The following KMT2C variants were observed in gnomAD, a reference collection of about 807,000 sequenced individuals.
KMT2C encodes the protein lysine methyltransferase 2C, also known as histone-lysine N-methyltransferase 2C.
A neutral mutation model predicts 507.9 loss-of-function variants in KMT2C; 88 were observed. The ratio of observed to expected loss-of-function variants is 0.17; its 90% CI spans 0.15 to 0.21. KMT2C has a LOEUF of 0.21. Ranked by LOEUF, KMT2C falls within the 10% of genes least tolerant of loss-of-function variation. The pLI is 1.00. For missense variants in KMT2C, 4,954 were observed against 5,957.8 expected (o/e 0.83, Z 5.55); for synonymous variants, 2,049 against 2,080.8 (o/e 0.98, Z 0.42).
chr7:152,155,065 C>T (rs941685491), intron 46 of KMT2C: 1 of 152,176 alleles, frequency 6.6e-6, no homozygotes, highest in Non-Finnish European at 1.5e-5. Flanking sequence ...AAGTTTGAGT[C>T]TACCAGGCCA....
intron 1 of KMT2C, among the ~76,000 whole-genome samples, chr7:152,377,596 G>A (rs1383997108): frequency 6.6e-6 from 1 of 152,004 alleles, no homozygotes; most frequent in Non-Finnish European, 1.5e-5. Flanking sequence ...TAAGCCGGGC[G>A]TGGTGGCACA....
Position 152,282,272 on chromosome 7 carries a change from G to T in KMT2C, c.850-8405C>A, listed in dbSNP as rs2096229604. 4.0e-5 allele frequency among the ~76,000 whole-genome samples: 6 copies of T among 151,352 alleles called. No homozygotes were observed. The South Asian group carries it at 1.0e-3, about 26-fold the overall frequency. ...AGATTGCGCCACTGCACTCCAGCCT[G>T]GGTGACAGAGCTGGACCTTGTCTCA... On this transcript the variant is annotated intron_variant, in intron 6 of 58. Coordinates refer to ENST00000262189, the MANE Select transcript of KMT2C (RefSeq NM_170606.3).
rs2091303412 is a variant in KMT2C at position 152,147,948 on chromosome 7, C to T, written c.13894+85G>A. The T allele has an allele frequency of 2.9e-6, 4 of 1,392,890 alleles. No individual in the cohort carries two copies. In the East Asian group the frequency reaches 9.3e-5, roughly 32 times the overall value. 86.3% of individuals were successfully genotyped at this position (1,392,890 alleles called of 1,614,324 possible). A position where few individuals can be genotyped will look rare whatever the true frequency, so the allele number is the denominator to read the frequency against. On this transcript the variant is annotated intron_variant, in intron 52 of 58. Coordinates refer to ENST00000262189, the MANE Select transcript of KMT2C (RefSeq NM_170606.3). Reference sequence around the variant, plus strand: ...TATAAAATATAAAACTAACATGAGACAAACATGGAAAATTGACAAAATACA... The same window carrying T: ...TATAAAATATAAAACTAACATGAGATAAACATGGAAAATTGACAAAATACA...
At chr7:152,260,483 T>C (rs2095750413) in intron 9 of KMT2C, among the ~76,000 whole-genome samples, 1 of 152,048 alleles carries the variant, frequency 6.6e-6, no homozygotes, top group South Asian at 2.1e-4. Context: ...AGTAAATATA[T>C]TTTTTTAAAA....
At position 152,185,685 on chromosome 7, in the gene KMT2C, T is replaced by C. The variant is rs1314355458; in HGVS notation, c.5009-54A>G. On this transcript the variant is annotated intron_variant, in intron 33 of 58. Coordinates refer to ENST00000262189, the MANE Select transcript of KMT2C (RefSeq NM_170606.3). ...TTCTCAGAGCCATGCTAATGATGTG[T>C]TGTAATAAAGAATGTTGATGAACTG... is the stretch of plus-strand genomic sequence containing the variant. The C allele has an allele frequency of 3.8e-6, 5 of 1,326,842 alleles. No homozygotes were observed. The Admixed American group carries it at 5.0e-5, about 13-fold the overall frequency. The allele number at this position is 1,326,842 out of a possible 1,614,324, so 82.2% of individuals were successfully genotyped here.
At chr7:152,359,704 G>T (rs1240654951) in intron 1 of KMT2C, among the ~76,000 whole-genome samples, 1 of 151,508 alleles carries the variant, frequency 6.6e-6, no homozygotes, top group Non-Finnish European at 1.5e-5. Flanking sequence ...GAAATAGAAA[G>T]AAAAAATACA....
At chr7:152,332,568 G>A (rs1375829781) in intron 2 of KMT2C, among the ~76,000 whole-genome samples, 3 of 152,112 alleles carry the variant, frequency 2.0e-5, no homozygotes, top group African/African-American at 7.2e-5. Context: ...ATTCTCAGCT[G>A]GGTATGGTGA....
At chr7:152,327,781 A>AC (rs1207876982) in intron 3 of KMT2C, among the ~76,000 whole-genome samples, 1 of 151,476 alleles carries the variant, frequency 6.6e-6, no homozygotes, top group Non-Finnish European at 1.5e-5. Flanking sequence ...ACACATTGAA[A>AC]CCCCGTCTCT....
chr7:152,421,506 G>A (rs969939695), intron 1 of KMT2C, among the ~76,000 whole-genome samples: 18 of 152,140 alleles, frequency 1.2e-4, no homozygotes, highest in Non-Finnish European at 2.5e-4. Context: ...CCCATCAACA[G>A]CGGACTGGAT....
chr7:152,166,935 T>A (rs1339362905), intron 42 of KMT2C, among the ~76,000 whole-genome samples: 1 of 152,226 alleles, frequency 6.6e-6, no homozygotes, highest in Non-Finnish European at 1.5e-5. Context: ...ATTTAGTATG[T>A]GCTGTGACCG....
Position 152,153,965 on chromosome 7 carries a change from T to C in KMT2C, c.12276+45A>G, listed in dbSNP as rs115718193. 2.4e-3 allele frequency: 3,824 copies of C among 1,593,374 alleles called. 96 individuals carry two copies. In the African/African-American group the frequency reaches 0.045, roughly 19 times the overall value. ...TAGACACCTGACCCATCTTTGAAAA[T>C]TGGGGACATACTGTTTAACATTAAG... is the stretch of plus-strand genomic sequence containing the variant. On this transcript the variant is annotated intron_variant, in intron 48 of 58. Transcript: ENST00000262189.
chr7:152,193,019 C>A (rs1367934499), intron 31 of KMT2C, among the ~76,000 whole-genome samples: 1 of 151,942 alleles, frequency 6.6e-6, no homozygotes, highest in Non-Finnish European at 1.5e-5. Flanking sequence ...TGCAAAAAAT[C>A]AAAAAATTAG....
At chr7:152,434,720 G>A (rs1183145758) in intron 1 of KMT2C, among the ~76,000 whole-genome samples, 1 of 152,164 alleles carries the variant, frequency 6.6e-6, no homozygotes, top group Non-Finnish European at 1.5e-5. Context: ...TAATTTACAA[G>A]CAAAGCCGTC....
intron 9 of KMT2C, among the ~76,000 whole-genome samples, chr7:152,255,109 T>TTTTATATA (rs1491178887): frequency 2.6e-5 from 2 of 78,344 alleles, no homozygotes; most frequent in Non-Finnish European, 5.4e-5. Flanking sequence ...CAACTCTCAC[T>TTTTATATA]TATATATATA....
intron 31 of KMT2C, among the ~76,000 whole-genome samples, chr7:152,193,218 C>T (rs140720806): frequency 1.3e-5 from 2 of 152,232 alleles, no homozygotes; most frequent in Non-Finnish European, 2.9e-5. Flanking sequence ...ATACACGCCA[C>T]CATGCAACTC....
intron 31 of KMT2C, among the ~76,000 whole-genome samples, chr7:152,191,018 GA>G (rs1385030548): frequency 6.6e-6 from 1 of 152,072 alleles, no homozygotes; most frequent in Non-Finnish European, 1.5e-5. Context: ...AGAAAGATAA[GA>G]AACATGTAAT....
At chr7:152,327,625 C>T (rs2096840855) in intron 3 of KMT2C, among the ~76,000 whole-genome samples, 1 of 152,086 alleles carries the variant, frequency 6.6e-6, no homozygotes, top group Non-Finnish European at 1.5e-5. Context: ...TTAAGCAGAA[C>T]TTTAAATGCT....
intron 47 of KMT2C, 33 bp from the exon 48 acceptor site, chr7:152,154,179 G>C: frequency 6.2e-7 from 1 of 1,611,568 alleles, no homozygotes; most frequent in African/African-American, 1.3e-5. Context: ...GAGGAAAATA[G>C]TGTTAATGGA....
chr7:152,352,407 C>G (rs1488913520), intron 2 of KMT2C, among the ~76,000 whole-genome samples: 9 of 152,118 alleles, frequency 5.9e-5, no homozygotes, highest in Admixed American at 5.9e-4. Context: ...TTGTGATATT[C>G]TATTACCTTG....
Sources: gnomAD v4.1 joint callset for allele counts (sites outside exome capture counted in the v4.1 genomes callset) on GRCh38, gnomAD v4.1.1 for gene constraint, MANE v1.5 for transcripts, NCBI Gene and HGNC (gene_info 2026-07-23, HGNC 2026-07-21) for gene names.